The following DMTN variants were observed in gnomAD, a reference collection of about 807,000 sequenced individuals.
DMTN encodes dematin actin binding protein, also known as dematin.
Under a neutral mutation model 59.4 loss-of-function variants are expected in DMTN, and 27 were observed. That is an observed-to-expected ratio of 0.45 (90% CI 0.33 to 0.63). The LOEUF (loss-of-function observed/expected upper bound fraction) is 0.63, where lower values mean the gene tolerates loss of function less well. Among genes scored for constraint, DMTN ranks in the 20% least tolerant of loss-of-function variants. The pLI, the probability that DMTN is intolerant of heterozygous loss-of-function variation, is 0.02. For missense variants in DMTN, 451 were observed against 528.9 expected (o/e 0.85, Z 1.45); for synonymous variants, 221 against 203.7 (o/e 1.08, Z -0.72).
upstream of DMTN, among the ~76,000 whole-genome samples, chr8:22,056,132 G>A (rs1003271450): frequency 1.1e-4 from 16 of 152,284 alleles, no homozygotes; most frequent in South Asian, 1.9e-3. Context: ...ATTCTGTGCT[G>A]GGACCCAGGG....
chr8:22,072,717 C>T (rs577594541), intron 9 of DMTN, among the ~76,000 whole-genome samples: 13 of 151,454 alleles, frequency 8.6e-5, no homozygotes, highest in East Asian at 5.9e-4. Flanking sequence ...TCAAGCGATC[C>T]GCCCACCTCG....
chr8:22,051,861 A>G (rs1275533800), upstream of DMTN, among the ~76,000 whole-genome samples: 1 of 151,794 alleles, frequency 6.6e-6, no homozygotes, highest in African/African-American at 2.4e-5. Context: ...ACCATCAACC[A>G]CAGCTCTACC....
upstream of DMTN, among the ~76,000 whole-genome samples, chr8:22,051,046 A>G (rs572918573): frequency 6.6e-5 from 10 of 152,244 alleles, no homozygotes; most frequent in Non-Finnish European, 1.3e-4. Flanking sequence ...AGGTCCTCAG[A>G]CCACACCTGG....
In DMTN at chr8:22,066,830, G is replaced by A. The variant is rs1811011358; in HGVS notation, c.-46G>A. The A allele has an allele frequency of 7.0e-7, 1 of 1,421,954 alleles. No homozygotes were observed. The highest frequency in any genetic ancestry group is 9.2e-7 in the Non-Finnish European group (1 of 1,085,702). The allele number at this position is 1,421,954 out of a possible 1,614,324, so 88.1% of individuals were successfully genotyped here. On this transcript the variant is annotated 5_prime_UTR_variant, in exon 2 of 16. Coordinates refer to ENST00000358242, the MANE Select transcript of DMTN (RefSeq NM_001387751.1). ...GCCTGACACGCTGTCCTCTCCCCTC[G>A]CGCACAGGGCTCTGCGAGTGACCCG...
rs1358063917 is a variant in DMTN at position 22,066,905 on chromosome 8, C to A, written c.18+12C>A. ...AACGGCTGCAGAAGGTGCGCGGCGC[C>A]GCCCCGGGCCGGGGCCGCCGAGGGC... On this transcript the variant is annotated intron_variant, in intron 2 of 15. Transcript: ENST00000358242. 30 of 1,258,496 alleles carry A rather than the reference C, an allele frequency of 2.4e-5. No homozygotes were observed. Among genetic ancestry groups the A allele is most frequent in the Non-Finnish European group, 3.0e-5 (30 of 1,001,432 alleles). 78.0% of individuals were successfully genotyped at this position (1,258,496 alleles called of 1,614,324 possible).
chr8:22,069,664 G>A, intron 6 of DMTN, 146 bp downstream of exon 6: 1 of 883,376 alleles, frequency 1.1e-6, no homozygotes, highest in Non-Finnish European at 1.7e-6. Flanking sequence ...CCCTCCCAGA[G>A]ATGGGAGACC....
chr8:22,066,034 A>G (rs1273581263), intron 1 of DMTN, among the ~76,000 whole-genome samples: 4 of 151,862 alleles, frequency 2.6e-5, no homozygotes, highest in Non-Finnish European at 5.9e-5. Context: ...TGTAAAGACA[A>G]GGTTTCGCTA....
At chr8:22,049,975 C>T (rs1332296618), upstream of DMTN, among the ~76,000 whole-genome samples, 1 of 152,160 alleles carries the variant, frequency 6.6e-6, no homozygotes, top group Non-Finnish European at 1.5e-5. Context: ...GAGTCTGACA[C>T]CCCCACCACG....
Position 22,069,528 on chromosome 8 carries a change from C to G in DMTN, c.394+10C>G, listed in dbSNP as rs968341534. On this transcript the variant is annotated intron_variant, in intron 6 of 15. Transcript: ENST00000358242. The stretch of plus-strand genomic sequence containing the variant: ...CATTTCCACCACCCTGGTAGGTCTT[C>G]TCGGCACGACCTCATTGTTTCCTAA... The G allele has an allele frequency of 1.3e-6, 2 of 1,582,520 alleles. No individual in the cohort carries two copies. Among genetic ancestry groups the G allele is most frequent in the African/African-American group, 1.4e-5 (1 of 73,520 alleles).
At chr8:22,067,798 A>T (rs947946718) in intron 4 of DMTN, 116 bp downstream of exon 4, 135 of 1,283,928 alleles carry the variant, frequency 1.1e-4, no homozygotes, top group Middle Eastern at 2.6e-4. Context: ...AAAACAAGAG[A>T]GGGAACTGTG....
chr8:22,077,926 G>A (rs946252474), intron 10 of DMTN, among the ~76,000 whole-genome samples: 1 of 152,142 alleles, frequency 6.6e-6, no homozygotes, highest in African/African-American at 2.4e-5. Flanking sequence ...GAATAAATGT[G>A]TACTTATTAT....
intron 1 of DMTN, among the ~76,000 whole-genome samples, chr8:22,064,091 CGGAT>C (rs1247900308): frequency 2.0e-5 from 3 of 150,426 alleles, no homozygotes; most frequent in Non-Finnish European, 4.4e-5. Context: ...GATGCAGGGA[CGGAT>C]GGATGGATGG....
chr8:22,056,266 T>A (rs1394542546), upstream of DMTN, among the ~76,000 whole-genome samples: 4 of 152,180 alleles, frequency 2.6e-5, no homozygotes, highest in Non-Finnish European at 4.4e-5. Context: ...CCAGCTCAAG[T>A]CTCAGTACTG....
Position 22,068,999 on chromosome 8 carries a change from C to A in DMTN, c.250-17C>A. 1 of 1,612,216 alleles carries A rather than the reference C, an allele frequency of 6.2e-7. No individual in the cohort carries two copies. Among genetic ancestry groups the A allele is most frequent in the Non-Finnish European group, 8.5e-7 (1 of 1,178,820 alleles). On this transcript the variant is annotated splice_polypyrimidine_tract_variant and intron_variant, in intron 4 of 15. Transcript: ENST00000358242. ...ATCTGCCCCTGTAGCTCTGACCAGC[C>A]CCCTCTCCATTCACAGCGCTCGCTG...
At chr8:22,079,846 T>C (rs1822966553) in intron 10 of DMTN, among the ~76,000 whole-genome samples, 1 of 152,200 alleles carries the variant, frequency 6.6e-6, no homozygotes. Flanking sequence ...CGATTTTAGT[T>C]TTCTTTGTGT....
rs1048879416 is a variant in DMTN at position 22,057,156 on chromosome 8, C to T, written c.-172+20C>T. ...GAAGAGGTAGGTGGCAGGGTCTCCG[C>T]CTCTCCTCCCCTCTGTGGGCACTCT... On this transcript the variant is annotated intron_variant, in intron 1 of 15. Transcript: ENST00000358242. The T allele has an allele frequency of 3.3e-5, 5 of 152,300 alleles. No individual in the cohort carries two copies. Among genetic ancestry groups the T allele is most frequent in the African/African-American group, 1.2e-4 (5 of 41,436 alleles). The allele number at this position is 152,300 out of a possible 1,614,324, so 9.4% of individuals were successfully genotyped here.
Position 22,081,337 on chromosome 8 carries a change from T to G in DMTN, c.1105-13T>G. 1.2e-6 allele frequency: 2 copies of G among 1,612,450 alleles called. No homozygotes were observed. The highest frequency in any genetic ancestry group is 1.7e-6 in the Non-Finnish European group (2 of 1,178,578). ...CCCCCTCCATGCTGAGCTGCCCCGA[T>G]TCCCCCATGTAGAGGCATCTGTCTG... On this transcript the variant is annotated splice_polypyrimidine_tract_variant and intron_variant, in intron 15 of 15. Transcript: ENST00000358242.
rs758057012 is a variant in DMTN, at chr8:22,081,471, C to T, written c.*8C>T. The T allele has an allele frequency of 3.8e-5, 61 of 1,613,166 alleles. No homozygotes were observed. In the Middle Eastern group the frequency reaches 8.3e-4, roughly 22 times the overall value. On this transcript the variant is annotated 3_prime_UTR_variant, in exon 16 of 16. Coordinates refer to ENST00000358242, the MANE Select transcript of DMTN (RefSeq NM_001387751.1). ...AAGGCCTCTCTCTTCTGATGGCCCCCACCTGCTCCGGGACGGCCCCCTTAC... is the reference window on the plus strand; with the variant it reads ...AAGGCCTCTCTCTTCTGATGGCCCCTACCTGCTCCGGGACGGCCCCCTTAC...
At chr8:22,075,375 G>A (rs1434259221) in intron 10 of DMTN, among the ~76,000 whole-genome samples, 1 of 151,032 alleles carries the variant, frequency 6.6e-6, no homozygotes, top group Admixed American at 6.6e-5. Context: ...TTCTGGCAGG[G>A]TCTTGCTCTG....
Sources: gnomAD v4.1 joint callset for allele counts (sites outside exome capture counted in the v4.1 genomes callset) on GRCh38, gnomAD v4.1.1 for gene constraint, MANE v1.5 for transcripts, NCBI Gene and HGNC (gene_info 2026-07-23, HGNC 2026-07-21) for gene names.